TTC7A: variants seen among roughly 807,000 people sequenced by gnomAD.
The protein encoded by TTC7A is tetratricopeptide repeat domain 7A.
A neutral mutation model predicts 103.7 loss-of-function variants in TTC7A; 110 were observed. The observed-to-expected ratio is 1.06, with a 90% CI of 0.91 to 1.24. The LOEUF (loss-of-function observed/expected upper bound fraction) is 1.24. Ranked by LOEUF, TTC7A falls within the 50% of genes most tolerant of loss-of-function variation. The pLI is 0.00. For missense variants in TTC7A, 1,340 were observed against 1,116.3 expected (o/e 1.20, Z -2.86); for synonymous variants, 521 against 467.9 (o/e 1.11, Z -1.47).
intron 2 of TTC7A, among the ~76,000 whole-genome samples, chr2:46,932,153 C>CTT (rs1173541336): frequency 2.8e-5 from 4 of 144,154 alleles, no homozygotes; most frequent in Non-Finnish European, 4.6e-5. Flanking sequence ...TTCTGGGATT[C>CTT]TTTTTTTTTT....
intron 5 of TTC7A, among the ~76,000 whole-genome samples, chr2:46,983,624 C>A (rs987083967): frequency 1.3e-5 from 2 of 152,234 alleles, no homozygotes; most frequent in Non-Finnish European, 1.5e-5. Context: ...CCGGCACGGA[C>A]CTGGGGCAGT....
intron 2 of TTC7A, among the ~76,000 whole-genome samples, chr2:46,932,231 C>T (rs1669744492): frequency 6.6e-6 from 1 of 151,558 alleles, no homozygotes; most frequent in Non-Finnish European, 1.5e-5. Flanking sequence ...CTCACTGCAA[C>T]CTCTTCCTCC....
Position 47,073,773 on chromosome 2 carries a change from G to T in TTC7A, c.2427G>T (p.Gln809His), listed in dbSNP as rs763725257. The change falls in exon 20 of 20, where the codon CAG becomes CAT. Residue 809 changes from glutamine to histidine, a missense_variant. Transcript: ENST00000319190. ...QKVLRDAVERQSTCHEAWQGL... is the reference protein window; with the variant it reads ...QKVLRDAVERHSTCHEAWQGL... ...TGCTTCGTGATGCCGTGGAGAGGCA[G>T]AGTACGTGCCACGAGGCGTGGCAGG... 6.2e-7 allele frequency: 1 copy of T among 1,613,756 alleles called. No individual in the cohort carries two copies. Among genetic ancestry groups the T allele is most frequent in the Non-Finnish European group, 8.5e-7 (1 of 1,180,040 alleles).
At chr2:46,994,258 G>A in intron 6 of TTC7A, 99 bp from the exon 7 acceptor site, 1 of 1,422,880 alleles carries the variant, frequency 7.0e-7, no homozygotes, top group Non-Finnish European at 9.5e-7. Flanking sequence ...CACATTGCAA[G>A]CGGGGCAGAT....
intron 15 of TTC7A, among the ~76,000 whole-genome samples, chr2:47,045,956 G>T (rs765027390): frequency 6.6e-6 from 1 of 152,232 alleles, no homozygotes; most frequent in Non-Finnish European, 1.5e-5. Flanking sequence ...TAGGCACAGG[G>T]CGTTGCTTAG....
At chr2:46,928,459 T>TAAAAAA (rs35897582) in intron 2 of TTC7A, among the ~76,000 whole-genome samples, 1 of 81,976 alleles carries the variant, frequency 1.2e-5, no homozygotes. Flanking sequence ...AAAGGGAAAT[T>TAAAAAA]AAAAAAAAAA....
rs781688613 is a variant in TTC7A, at chr2:47,054,040, C to T, written c.2152+2160C>T. The T allele has an allele frequency of 1.0e-5, 9 of 894,534 alleles. 1 individual carries two copies. The African/African-American group carries it at 1.1e-4, about 11-fold the overall frequency. The allele number at this position is 894,534 out of a possible 1,614,324, so 55.4% of individuals were successfully genotyped here. ...TTGGGAATGTCAAGAGAAACACATG[C>T]CTTTCAGTCATTTGCACATGAGCCT... is the stretch of plus-strand genomic sequence containing the variant. On this transcript the variant is annotated intron_variant, in intron 18 of 19. Coordinates refer to ENST00000319190, the MANE Select transcript of TTC7A (RefSeq NM_020458.4).
rs1685033793 is a variant in TTC7A, at chr2:47,074,207, T to C, written c.*284T>C. On this transcript the variant is annotated 3_prime_UTR_variant, in exon 20 of 20. Transcript: ENST00000319190. ...CCCAAGAGCTGGGCAGCGGGGAGCCTCACAGCTGTCCTTCACCCTCACCCA... is the reference window on the plus strand; with the variant it reads ...CCCAAGAGCTGGGCAGCGGGGAGCCCCACAGCTGTCCTTCACCCTCACCCA... 1 of 475,464 alleles carries C rather than the reference T, an allele frequency of 2.1e-6. No homozygotes were observed. The highest frequency in any genetic ancestry group is 2.3e-5 in the South Asian group (1 of 44,240). The allele number at this position is 475,464 out of a possible 1,614,324, so 29.5% of individuals were successfully genotyped here. A position where few individuals can be genotyped will look rare whatever the true frequency, so the allele number is the denominator to read the frequency against.
At chr2:47,033,292 G>A (rs528368595) in intron 15 of TTC7A, among the ~76,000 whole-genome samples, 13 of 152,352 alleles carry the variant, frequency 8.5e-5, no homozygotes, top group East Asian at 7.7e-4. Context: ...ATCGTCCCCA[G>A]TAAGATCTGT....
At chr2:46,924,931 A>C (rs1486128109) in intron 2 of TTC7A, among the ~76,000 whole-genome samples, 4 of 152,204 alleles carry the variant, frequency 2.6e-5, no homozygotes, top group Admixed American at 2.6e-4. Context: ...CACAGCCTTC[A>C]TTGGATATTT....
Position 47,073,957 on chromosome 2 carries a change from C to T in TTC7A, c.*34C>T, listed in dbSNP as rs1427095135. The stretch of plus-strand genomic sequence containing the variant: ...CAGCCGCAGGGAGGGAGGGGCTGGC[C>T]AGAGGGAGAGGCAGCAGGGAACGTG... On this transcript the variant is annotated 3_prime_UTR_variant, in exon 20 of 20. Coordinates refer to ENST00000319190, the MANE Select transcript of TTC7A (RefSeq NM_020458.4). 1 of 1,573,936 alleles carries T rather than the reference C, an allele frequency of 6.4e-7. No individual in the cohort carries two copies.
Position 47,016,929 on chromosome 2 carries a change from T to C in TTC7A, c.1393-4933T>C, listed in dbSNP as rs57514816. Among the ~76,000 whole-genome samples the C allele has an allele frequency of 6.2e-3, 944 of 151,846 alleles. 7 individuals are homozygous for C. Among genetic ancestry groups the C allele is most frequent in the African/African-American group, 0.021 (866 of 41,410 alleles). On this transcript the variant is annotated intron_variant, in intron 11 of 19. Coordinates refer to ENST00000319190, the MANE Select transcript of TTC7A (RefSeq NM_020458.4). ...AAAAAAAATTTGAGGCCGGGCAAGG[T>C]GGCTCACACCTGTAATCCCAGCACC...
chr2:47,006,669 T>G lies in TTC7A; in HGVS notation c.1232T>G (p.Phe411Cys), dbSNP rs766667406. 4 of 1,614,216 alleles carry G rather than the reference T, an allele frequency of 2.5e-6. No individual in the cohort carries two copies. Among genetic ancestry groups the G allele is most frequent in the Non-Finnish European group, 3.4e-6 (4 of 1,180,026 alleles). Residue 411 changes from phenylalanine (F) to cysteine (C), a missense_variant, in exon 10 of 20, where the codon TTT becomes TGT. Phe to Cys is a radical substitution (Grantham distance 205). Transcript: ENST00000319190. ...CTGGAGCGAGCCATGAAGTTTGCGTTTGGAGAATTTCACCTTTGGTACCAG... is the reference window on the plus strand; with the variant it reads ...CTGGAGCGAGCCATGAAGTTTGCGTGTGGAGAATTTCACCTTTGGTACCAG... ...ECLERAMKFA[F>C]GEFHLWYQVA...
At chr2:47,023,988 A>G (rs1679595101) in intron 13 of TTC7A, among the ~76,000 whole-genome samples, 1 of 146,950 alleles carries the variant, frequency 6.8e-6, no homozygotes, top group Admixed American at 6.8e-5. Context: ...TGGGTTGTAT[A>G]TTCATCCCAT....
chr2:46,993,294 C>T lies in TTC7A; in HGVS notation c.765-156C>T, dbSNP rs367817331. 3.4e-5 allele frequency among the ~76,000 whole-genome samples: 5 copies of T among 148,984 alleles called. No homozygotes were observed. In the East Asian group the frequency reaches 7.7e-4, roughly 23 times the overall value. On this transcript the variant is annotated intron_variant, in intron 5 of 19. Coordinates refer to ENST00000319190, the MANE Select transcript of TTC7A (RefSeq NM_020458.4). ...TGTTGATGTCCTGGGCCTCTAAAGT[C>T]CTGGTGTTACAACTCTAACTTTTCA... is the stretch of plus-strand genomic sequence containing the variant.
At position 46,991,048 on chromosome 2, in the gene TTC7A, G is replaced by A. The variant is rs151316274; in HGVS notation, c.765-2402G>A. On this transcript the variant is annotated intron_variant, in intron 5 of 19. Coordinates refer to ENST00000319190, the MANE Select transcript of TTC7A (RefSeq NM_020458.4). ...CTGCCTCAGCTTCCCGAATAGCTGGGACTACAGGCACGGGCGCCACCACAG... is the reference window on the plus strand; with the variant it reads ...CTGCCTCAGCTTCCCGAATAGCTGGAACTACAGGCACGGGCGCCACCACAG... Among the ~76,000 whole-genome samples, 22 of 152,260 alleles carry A rather than the reference G, an allele frequency of 1.4e-4. No individual in the cohort carries two copies. The East Asian group carries it at 4.3e-3, about 30-fold the overall frequency.
At position 47,007,509 on chromosome 2, in the gene TTC7A, C is replaced by T. The variant is rs565410622; in HGVS notation, c.1287+785C>T. 1.3e-5 allele frequency among the ~76,000 whole-genome samples: 2 copies of T among 152,274 alleles called. No individual in the cohort carries two copies. Among genetic ancestry groups the T allele is most frequent in the East Asian group, 3.9e-4 (2 of 5,188 alleles). ...CCAGGAGCTGTAAATATCCAGAGCC[C>T]TTTCATGGGGCTGAGGGAATTCCTC... On this transcript the variant is annotated intron_variant, in intron 10 of 19. Coordinates refer to ENST00000319190, the MANE Select transcript of TTC7A (RefSeq NM_020458.4). This position sits in a 1 kb window ranked among gnomAD's most constrained non-coding sequence, Gnocchi z 4.9.
At position 47,055,683 on chromosome 2, in the gene TTC7A, G is replaced by A. The variant is rs183552811; in HGVS notation, c.2152+3803G>A. Among the ~76,000 whole-genome samples, 429 of 152,292 alleles carry A rather than the reference G, an allele frequency of 2.8e-3. 2 individuals carry two copies. Among genetic ancestry groups the A allele is most frequent in the African/African-American group, 9.6e-3 (397 of 41,568 alleles). On this transcript the variant is annotated intron_variant, in intron 18 of 19. Coordinates refer to ENST00000319190, the MANE Select transcript of TTC7A (RefSeq NM_020458.4). Reference sequence around the variant, plus strand: ...CTGGAGGTCCAAGGGCTCATGGGTAGCTCTGGGCTTTCTCCAGGTTTAGGG... The same window carrying A: ...CTGGAGGTCCAAGGGCTCATGGGTAACTCTGGGCTTTCTCCAGGTTTAGGG...
At chr2:47,017,469 C>G (rs1678795309) in intron 11 of TTC7A, among the ~76,000 whole-genome samples, 1 of 147,082 alleles carries the variant, frequency 6.8e-6, no homozygotes, top group African/African-American at 2.5e-5. Flanking sequence ...CCCAGGAGGT[C>G]AAGGCTGCAG....
Sources: allele counts gnomAD v4.1 joint callset (sites outside exome capture counted in the v4.1 genomes callset), GRCh38; gene constraint gnomAD v4.1.1; non-coding constraint Gnocchi (gnomAD v3.1); transcripts MANE v1.5; gene names NCBI Gene and HGNC (gene_info 2026-07-23, HGNC 2026-07-21).